ANKRD2: variants seen among roughly 807,000 people sequenced by gnomAD.
ANKRD2 encodes the protein ankyrin repeat domain-containing protein 2.
A neutral mutation model predicts 37.3 loss-of-function variants in ANKRD2; 35 were observed. The ratio of observed to expected loss-of-function variants is 0.94; its 90% confidence interval spans 0.72 to 1.24. ANKRD2 has a LOEUF of 1.24. ANKRD2 is among the 50% of genes most tolerant of loss of function. The pLI, the probability that ANKRD2 is intolerant of heterozygous loss-of-function variation, is 0.00. For synonymous variants in ANKRD2, 159 were observed against 186.5 expected, an observed-to-expected ratio of 0.85 and a Z score of 1.20; for missense variants, 410 against 445.6, an observed-to-expected ratio of 0.92 and a Z score of 0.72.
intron 2 of ANKRD2, 96 bp from the exon 3 acceptor site, chr10:97,578,144 G>GGCCCCCCCCCCCACCCC: frequency 1.5e-6 from 1 of 685,446 alleles, no homozygotes; most frequent in East Asian, 2.7e-5. Context: ...GGGTCTTCCT[G>GGCCCCCCCCCCCACCCC]CCCACCCCAC....
intron 1 of ANKRD2, among the ~76,000 whole-genome samples, chr10:97,575,196 A>G (rs2040810479): frequency 6.6e-6 from 1 of 152,206 alleles, no homozygotes. Context: ...GGTGAGCATT[A>G]GAGTCCCCAG....
In ANKRD2 at chr10:97,582,771, C is replaced by T. The variant is rs560907923; in HGVS notation, c.852+69C>T. On this transcript the variant is annotated intron_variant, in intron 8 of 8. Coordinates refer to ENST00000370655, the MANE Select transcript of ANKRD2 (RefSeq NM_001346793.2). Reference sequence around the variant, plus strand: ...CATACAGTGGAGGTGCTGTCCTGGTCCCTGGAGCAGCCCCCGCCTAGGGAC... The same window carrying T: ...CATACAGTGGAGGTGCTGTCCTGGTTCCTGGAGCAGCCCCCGCCTAGGGAC... 2.6e-4 allele frequency: 372 copies of T among 1,441,370 alleles called. 1 individual carries two copies. The South Asian group carries it at 4.1e-3, about 16-fold the overall frequency. The allele number at this position is 1,441,370 out of a possible 1,614,324, so 89.3% of individuals were successfully genotyped here. A position where few individuals can be genotyped will look rare whatever the true frequency, so the allele number is the denominator to read the frequency against.
intron 1 of ANKRD2, among the ~76,000 whole-genome samples, chr10:97,573,938 G>A (rs1447107676): frequency 6.6e-6 from 1 of 152,178 alleles, no homozygotes; most frequent in Admixed American, 6.5e-5. Flanking sequence ...ATCAGAAGTG[G>A]AGGAACACAA....
At chr10:97,578,144 G>GGCCCCCCCCCCCCCCCCCCCCA in intron 2 of ANKRD2, 96 bp from the exon 3 acceptor site, 2 of 685,442 alleles carry the variant, frequency 2.9e-6, no homozygotes, top group Non-Finnish European at 5.0e-6. Flanking sequence ...GGGTCTTCCT[G>GGCCCCCCCCCCCCCCCCCCCCA]CCCACCCCAC....
chr10:97,581,171 G>T, intron 5 of ANKRD2, 145 bp from the exon 6 acceptor site: 1 of 850,282 alleles, frequency 1.2e-6, no homozygotes. Context: ...GTGTTCTTCT[G>T]TTCCACTTGG....
At position 97,578,416 on chromosome 10, in the gene ANKRD2, G is replaced by C. The variant is rs1564750234; in HGVS notation, c.348+18G>C. On this transcript the variant is annotated intron_variant, in intron 3 of 8. Transcript: ENST00000370655. ...AGGAGATCGTAAGGGTCCTGGGGAG[G>C]ACACCGCGAGGGGGCGGAGGGGGAG... 2.5e-6 allele frequency: 4 copies of C among 1,613,164 alleles called. 1 individual carries two copies. The highest frequency in any genetic ancestry group is 1.7e-6 in the Non-Finnish European group (2 of 1,179,494).
intron 5 of ANKRD2, 91 bp from the exon 6 acceptor site, chr10:97,581,225 G>C: frequency 7.5e-7 from 1 of 1,326,572 alleles, no homozygotes; most frequent in Non-Finnish European, 1.1e-6. Context: ...CTTTCCCCTA[G>C]ATATCCCTCT....
rs1367773855 is a variant in ANKRD2, at chr10:97,583,600, G to T, written c.877G>T (p.Val293Leu). The stretch of plus-strand genomic sequence containing the variant: ...GGCAGGAAAGACCCCGACGGACCTG[G>T]TGCAGCTCTGGCAGGCTGATACCCG... ...NLAGKTPTDL[V>L]QLWQADTRHA... The change falls in exon 9 of 9, where the codon GTG becomes TTG. Residue 293 changes from valine to leucine, a missense_variant. Physicochemically the swap from Val to Leu is conservative, Grantham distance 32. Coordinates refer to ENST00000370655, the MANE Select transcript of ANKRD2 (RefSeq NM_001346793.2). 3 of 1,605,204 alleles carry T rather than the reference G, an allele frequency of 1.9e-6. No individual in the cohort carries two copies. The highest frequency in any genetic ancestry group is 2.5e-6 in the Non-Finnish European group (3 of 1,176,646).
In ANKRD2 at chr10:97,583,851, C is replaced by G. The variant is rs771507986; in HGVS notation, c.*126C>G. The G allele has an allele frequency of 1.9e-4, 203 of 1,058,614 alleles. No individual in the cohort carries two copies. Among genetic ancestry groups the G allele is most frequent in the Non-Finnish European group, 2.3e-4 (185 of 800,070 alleles). 65.6% of individuals were successfully genotyped at this position (1,058,614 alleles called of 1,614,324 possible). The stretch of plus-strand genomic sequence containing the variant: ...CTGCATGATCCAGGAGCACATACCA[C>G]AAACTACCACAATAAAAAAGCTGTT... On this transcript the variant is annotated 3_prime_UTR_variant, in exon 9 of 9. Coordinates refer to ENST00000370655, the MANE Select transcript of ANKRD2 (RefSeq NM_001346793.2).
rs1365883488 is a variant in ANKRD2, at chr10:97,583,818, C to T, written c.*93C>T. 1 of 1,361,404 alleles carries T rather than the reference C, an allele frequency of 7.3e-7. No individual in the cohort carries two copies. Among genetic ancestry groups the T allele is most frequent in the Non-Finnish European group, 9.6e-7 (1 of 1,043,206 alleles). The allele number at this position is 1,361,404 out of a possible 1,614,324, so 84.3% of individuals were successfully genotyped here. ...CTCCCGGAGCTAACTGAGGGCCCAG[C>T]CTTTTTTCTGCATGATCCAGGAGCA... is the stretch of plus-strand genomic sequence containing the variant. On this transcript the variant is annotated 3_prime_UTR_variant, in exon 9 of 9. Coordinates refer to ENST00000370655, the MANE Select transcript of ANKRD2 (RefSeq NM_001346793.2).
intron 4 of ANKRD2, among the ~76,000 whole-genome samples, chr10:97,579,146 T>C (rs2135703639): frequency 6.6e-6 from 1 of 152,012 alleles, no homozygotes; most frequent in South Asian, 2.1e-4. Flanking sequence ...AGACCCTGTC[T>C]CTATACATAT....
Position 97,578,279 on chromosome 10 carries a change from C to T in ANKRD2, c.229C>T (p.Arg77Trp), listed in dbSNP as rs2040851759. The T allele has an allele frequency of 1.9e-6, 3 of 1,612,688 alleles. No individual in the cohort carries two copies. The highest frequency in any genetic ancestry group is 1.7e-5 in the Admixed American group (1 of 59,964). The change falls in exon 3 of 9, where the codon CGG (arginine) becomes TGG (tryptophan). Residue 77 changes from arginine to tryptophan, a missense_variant. By Grantham distance (101) the Arg-to-Trp change is moderately radical. Transcript: ENST00000370655. Reference protein sequence around the residue: ...RVRKTSLDLRREIIDVGGIQN... With the variant: ...RVRKTSLDLRWEIIDVGGIQN... ...GCGCAAGACGTCCCTGGACCTGCGG[C>T]GGGAGATCATCGATGTGGGCGGGAT...
upstream of ANKRD2, chr10:97,572,485 C>T (rs984928295): frequency 6.2e-5 from 34 of 549,048 alleles, no homozygotes; most frequent in Middle Eastern, 9.7e-4. Context: ...ACTCAGTTGC[C>T]TTGGCTAAGG....
chr10:97,583,505 C>T, intron 8 of ANKRD2, 71 bp from the exon 9 acceptor site: 14 of 1,416,588 alleles, frequency 9.9e-6, no homozygotes, highest in Non-Finnish European at 1.3e-5. Context: ...AGGGTACCTT[C>T]TGTGAAAGCC....
intron 1 of ANKRD2, 141 bp downstream of exon 1, chr10:97,573,016 C>A: frequency 8.8e-7 from 1 of 1,140,066 alleles, no homozygotes; most frequent in Non-Finnish European, 1.2e-6. Flanking sequence ...TCATTCCTGT[C>A]CCAGGGTATT....
upstream of ANKRD2, chr10:97,572,735 G>T (rs1281787722): frequency 1.9e-6 from 3 of 1,605,000 alleles, no homozygotes; most frequent in African/African-American, 4.0e-5. Flanking sequence ...CTGGGCAGGG[G>T]TGGGTGCTCT....
intron 1 of ANKRD2, among the ~76,000 whole-genome samples, chr10:97,576,727 T>C (rs4244324): frequency 0.95 from 143,810 of 151,010 alleles, 68,689 homozygotes; most frequent in Non-Finnish European, 0.99. Flanking sequence ...GACCGAGTCT[T>C]ACTCTGCCGC....
At position 97,582,318 on chromosome 10, in the gene ANKRD2, C is replaced by T. The variant is rs1197200503; in HGVS notation, c.658C>T (p.Leu220=). ...GADTNVRDKL[L]STPLHVAVRT... ...GTTCCTGATTCCTCCCACCCAGCTG[C>T]TGAGCACCCCGCTGCACGTGGCAGT... The change falls in exon 7 of 9, where the codon CTG becomes TTG. Residue 220 remains leucine (L), a synonymous_variant. Coordinates refer to ENST00000370655, the MANE Select transcript of ANKRD2 (RefSeq NM_001346793.2). 5 of 1,554,874 alleles carry T rather than the reference C, an allele frequency of 3.2e-6. No homozygotes were observed. In the Admixed American group the frequency reaches 9.7e-5, roughly 30 times the overall value.
At chr10:97,577,404 C>G (rs1176749488) in intron 1 of ANKRD2, among the ~76,000 whole-genome samples, 3 of 152,172 alleles carry the variant, frequency 2.0e-5, no homozygotes, top group African/African-American at 4.8e-5. Context: ...GTAGCTGGGA[C>G]TAAAGGCTGG....
Sources: allele counts gnomAD v4.1 joint callset (sites outside exome capture counted in the v4.1 genomes callset), GRCh38; gene constraint gnomAD v4.1.1; transcripts MANE v1.5; gene names NCBI Gene and HGNC (gene_info 2026-07-23, HGNC 2026-07-21).